LRP1B: variants seen among roughly 807,000 people sequenced by gnomAD.
LRP1B encodes the protein low-density lipoprotein receptor-related protein 1B.
LRP1B carries 217 observed loss-of-function variants against 556.6 expected under a neutral mutation model. The observed-to-expected ratio is 0.39, with a 90% CI of 0.35 to 0.44. The LOEUF (loss-of-function observed/expected upper bound fraction) is 0.44. Among genes scored for constraint, LRP1B ranks in the 20% least tolerant of loss-of-function variants. The pLI is 1.00. For missense variants in LRP1B, 5,053 were observed against 5,620.8 expected, an observed-to-expected ratio of 0.90 and a Z score of 3.23; for synonymous variants, 2,047 against 1,865.8, an observed-to-expected ratio of 1.10 and a Z score of -2.50.
chr2:141,738,403 C>T (rs1022557907), intron 2 of LRP1B, among the ~76,000 whole-genome samples: 1 of 152,094 alleles, frequency 6.6e-6, no homozygotes, highest in African/African-American at 2.4e-5. Flanking sequence ...TACAGCTGCA[C>T]AGTTGAACAG....
intron 25 of LRP1B, among the ~76,000 whole-genome samples, chr2:140,872,591 T>C (rs1203851654): frequency 1.3e-5 from 2 of 151,986 alleles, no homozygotes; most frequent in African/African-American, 4.8e-5. Flanking sequence ...CAGTTAAAGA[T>C]AGATAGTCTC....
chr2:140,763,092 T>G (rs1398000623), intron 35 of LRP1B, among the ~76,000 whole-genome samples: 2 of 152,136 alleles, frequency 1.3e-5, no homozygotes, highest in African/African-American at 4.8e-5. Flanking sequence ...GTTTGACCTA[T>G]CTATAAAAAA....
chr2:140,601,779 C>A, intron 41 of LRP1B, 140 bp from the exon 42 acceptor site: 2 of 540,776 alleles, frequency 3.7e-6, no homozygotes, highest in East Asian at 3.1e-5. Context: ...AATAAAAATG[C>A]AGTCATTGTG....
intron 1 of LRP1B, among the ~76,000 whole-genome samples, chr2:142,085,518 A>G (rs2104939258): frequency 6.6e-6 from 1 of 152,342 alleles, no homozygotes; most frequent in South Asian, 2.1e-4. Context: ...AGATTATTAT[A>G]TACAAACTTA....
At chr2:140,595,087 AATATAT>A (rs60138085) in intron 43 of LRP1B, among the ~76,000 whole-genome samples, 2,866 of 96,902 alleles carry the variant, frequency 0.03, 59 homozygotes, top group South Asian at 0.046. Context: ...ATATAAATTG[AATATAT>A]ATATATATAT....
At chr2:140,837,043 T>C (rs1313856685) in intron 31 of LRP1B, among the ~76,000 whole-genome samples, 2 of 152,238 alleles carry the variant, frequency 1.3e-5, no homozygotes, top group Non-Finnish European at 1.5e-5. Context: ...TTCACTAAAC[T>C]CACTTAGAGT....
At chr2:141,519,335 C>T (rs1209200288) in intron 2 of LRP1B, among the ~76,000 whole-genome samples, 1 of 137,652 alleles carries the variant, frequency 7.3e-6, no homozygotes, top group Non-Finnish European at 1.5e-5. Context: ...AAAAATATTC[C>T]ACCATGTGTG....
Position 140,925,560 on chromosome 2 carries a change from C to T in LRP1B, c.3137-2413G>A, listed in dbSNP as rs542541970. On this transcript the variant is annotated intron_variant, in intron 20 of 90. Coordinates refer to ENST00000389484, the MANE Select transcript of LRP1B (RefSeq NM_018557.3). ...AGCTCAACCAATAACATTTAAAAAT[C>T]GTATTTCAGGTAATTGTCAGAGATT... Among the ~76,000 whole-genome samples the T allele has an allele frequency of 1.2e-3, 179 of 152,156 alleles. 2 individuals carry two copies. Among genetic ancestry groups the T allele is most frequent in the Middle Eastern group, 6.8e-3 (2 of 294 alleles).
At chr2:141,953,422 A>C (rs577384687) in intron 1 of LRP1B, among the ~76,000 whole-genome samples, 1 of 152,188 alleles carries the variant, frequency 6.6e-6, no homozygotes, top group African/African-American at 2.4e-5. Context: ...AAAGGCTGTA[A>C]AGCTCTGGAA....
rs183877560 is a variant in LRP1B at position 140,518,320 on chromosome 2, T to G, written c.8027-1309A>C. Among the ~76,000 whole-genome samples, 128 of 152,282 alleles carry G rather than the reference T, an allele frequency of 8.4e-4. 1 individual carries two copies. Among genetic ancestry groups the G allele is most frequent in the African/African-American group, 3.0e-3 (124 of 41,556 alleles). ...TGAAGTATTTAGGCTGACCCATTGC[T>G]GGCTTCCTGTCTGTCTGTCTACCTG... is the stretch of plus-strand genomic sequence containing the variant. On this transcript the variant is annotated intron_variant, in intron 49 of 90. Coordinates refer to ENST00000389484, the MANE Select transcript of LRP1B (RefSeq NM_018557.3).
At chr2:140,409,245 T>G (rs1386434923) in intron 66 of LRP1B, among the ~76,000 whole-genome samples, 1 of 151,860 alleles carries the variant, frequency 6.6e-6, no homozygotes, top group Non-Finnish European at 1.5e-5. Flanking sequence ...CTTATAGATG[T>G]AAAACTTTAT....
intron 3 of LRP1B, among the ~76,000 whole-genome samples, chr2:141,275,521 C>A (rs530402113): frequency 1.3e-5 from 2 of 152,012 alleles, no homozygotes; most frequent in African/African-American, 4.8e-5. Context: ...TCAGCCTGGG[C>A]AACATGGCAA....
At chr2:140,617,333 T>A (rs492797) in intron 41 of LRP1B, among the ~76,000 whole-genome samples, 2 of 152,006 alleles carry the variant, frequency 1.3e-5, no homozygotes, top group Admixed American at 1.3e-4. Context: ...AGGTGATACC[T>A]GCAAAACAGA....
At chr2:140,905,886 T>C (rs958185668) in intron 22 of LRP1B, among the ~76,000 whole-genome samples, 4 of 152,162 alleles carry the variant, frequency 2.6e-5, no homozygotes, top group Admixed American at 2.6e-4. Context: ...TTTAGAGTAA[T>C]TAAAATCTAT....
intron 3 of LRP1B, among the ~76,000 whole-genome samples, chr2:141,433,716 C>T (rs1041395055): frequency 6.6e-6 from 1 of 151,094 alleles, no homozygotes; most frequent in Non-Finnish European, 1.5e-5. Context: ...TGGCTTTCAA[C>T]TTTATGACTA....
intron 2 of LRP1B, among the ~76,000 whole-genome samples, chr2:141,481,445 A>G (rs971500910): frequency 6.6e-6 from 1 of 152,236 alleles, no homozygotes; most frequent in Non-Finnish European, 1.5e-5. Flanking sequence ...TTAATCTGAC[A>G]TAGATTATTG....
intron 66 of LRP1B, among the ~76,000 whole-genome samples, chr2:140,424,607 C>A (rs1685581097): frequency 6.6e-6 from 1 of 152,204 alleles, no homozygotes; most frequent in South Asian, 2.1e-4. Flanking sequence ...TGGAATGTTG[C>A]AGGGAGTGGA....
At chr2:142,027,435 T>G (rs968477867) in intron 1 of LRP1B, among the ~76,000 whole-genome samples, 5 of 151,818 alleles carry the variant, frequency 3.3e-5, no homozygotes, top group Admixed American at 3.3e-4. Flanking sequence ...AATATGGTAA[T>G]TGGACAGTAA....
chr2:140,702,020 T>C (rs1686662439), intron 39 of LRP1B, 121 bp downstream of exon 39: 1 of 1,339,490 alleles, frequency 7.5e-7, no homozygotes, highest in Non-Finnish European at 1.0e-6. Flanking sequence ...TCTGTGGAAA[T>C]TACTGGCTTT....
Sources: gnomAD v4.1 joint callset for allele counts (sites outside exome capture counted in the v4.1 genomes callset) on GRCh38, gnomAD v4.1.1 for gene constraint, MANE v1.5 for transcripts, NCBI Gene and HGNC (gene_info 2026-07-23, HGNC 2026-07-21) for gene names.